The following EHD2 variants were observed in gnomAD, a reference collection of about 807,000 sequenced individuals.
EHD2 encodes the protein EH domain-containing protein 2.
Under a neutral mutation model 41.0 loss-of-function variants are expected in EHD2, and 27 were observed. The observed-to-expected ratio is 0.66, with a 90% CI of 0.49 to 0.91. The LOEUF (loss-of-function observed/expected upper bound fraction) is 0.91. Ranked by LOEUF, EHD2 falls within the 40% of genes least tolerant of loss-of-function variation. The pLI, the probability that EHD2 is intolerant of heterozygous loss-of-function variation, is 0.00. For missense variants in EHD2, 673 were observed against 773.9 expected (o/e 0.87, Z 1.55); for synonymous variants, 342 against 341.0 (o/e 1.00, Z -0.03).
At chr19:47,739,643 T>TTGCC (rs1400630431) in intron 5 of EHD2, among the ~76,000 whole-genome samples, 3 of 150,532 alleles carry the variant, frequency 2.0e-5, no homozygotes, top group African/African-American at 7.3e-5. Context: ...AAATAGGGTT[T>TTGCC]TGCCATGTTG....
chr19:47,741,857 C>T lies in EHD2; in HGVS notation c.*425C>T, dbSNP rs1193539111. The T allele has an allele frequency of 4.3e-6, 2 of 464,610 alleles. No individual in the cohort carries two copies. The highest frequency in any genetic ancestry group is 4.0e-5 in the African/African-American group (2 of 50,474). 28.8% of individuals were successfully genotyped at this position (464,610 alleles called of 1,614,324 possible). On this transcript the variant is annotated 3_prime_UTR_variant, in exon 6 of 6. Transcript: ENST00000263277. This position sits in a 1 kb window ranked among gnomAD's most constrained non-coding sequence, Gnocchi z 4.5. ...GAGGGCACCTACACAGTCACGCAAA[C>T]ACACACTAATTCCTGGCAGGGCCCC...
At chr19:47,740,402 G>A (rs1303775061) in intron 5 of EHD2, among the ~76,000 whole-genome samples, 1 of 151,660 alleles carries the variant, frequency 6.6e-6, no homozygotes, top group Non-Finnish European at 1.5e-5. Flanking sequence ...TGGCACCACT[G>A]CACTCTAGCC....
At chr19:47,737,793 C>G (rs1966941054) in intron 5 of EHD2, among the ~76,000 whole-genome samples, 1 of 151,098 alleles carries the variant, frequency 6.6e-6, no homozygotes, top group Non-Finnish European at 1.5e-5. Flanking sequence ...TCACTGTGTA[C>G]TTGAACTCCT....
At chr19:47,715,618 G>A (rs1973617148) in intron 1 of EHD2, among the ~76,000 whole-genome samples, 3 of 152,094 alleles carry the variant, frequency 2.0e-5, no homozygotes, top group South Asian at 2.1e-4. Context: ...GAAGGGAGAA[G>A]GGAGGAAGAA....
Position 47,726,221 on chromosome 19 carries a change from G to A in EHD2, c.912G>A (p.Val304=). 6.6e-7 allele frequency: 1 copy of A among 1,507,048 alleles called. No individual in the cohort carries two copies. The highest frequency in any genetic ancestry group is 8.9e-7 in the Non-Finnish European group (1 of 1,126,276). 93.4% of individuals were successfully genotyped at this position (1,507,048 alleles called of 1,614,324 possible). The change falls in exon 4 of 6, where the codon GTG becomes GTA. Residue 304 remains valine (V), a synonymous_variant. Transcript: ENST00000263277. ...LNDLVKRARL[V]RVHAYIISYL... is the part of the protein sequence containing the mutation. ...ACCTGGTGAAGAGGGCCCGGCTGGT[G>A]CGAGTGAGTAGTCCTGAGGGCTGGG...
intron 4 of EHD2, among the ~76,000 whole-genome samples, chr19:47,727,568 A>G (rs1292460176): frequency 2.0e-5 from 3 of 151,870 alleles, no homozygotes; most frequent in African/African-American, 7.3e-5. Flanking sequence ...TGCCAACTTT[A>G]CTGACACTAA....
At chr19:47,717,345 G>A (rs1029919362) in intron 2 of EHD2, among the ~76,000 whole-genome samples, 3 of 152,016 alleles carry the variant, frequency 2.0e-5, no homozygotes, top group Non-Finnish European at 2.9e-5. Flanking sequence ...CACTGCGCCC[G>A]GCCCTGGGGG....
At chr19:47,734,863 G>A (rs762868188) in intron 4 of EHD2, among the ~76,000 whole-genome samples, 4 of 151,990 alleles carry the variant, frequency 2.6e-5, no homozygotes, top group Non-Finnish European at 5.9e-5. Context: ...GACCAGTCTG[G>A]CCAACATGGT....
At chr19:47,714,608 T>C (rs1052363695) in intron 1 of EHD2, among the ~76,000 whole-genome samples, 18 of 152,022 alleles carry the variant, frequency 1.2e-4, no homozygotes, top group African/African-American at 4.3e-4. Context: ...CTAACTCAGA[T>C]CTTTAGACCT....
intron 5 of EHD2, among the ~76,000 whole-genome samples, chr19:47,739,905 C>T (rs560216851): frequency 6.6e-6 from 1 of 152,096 alleles, no homozygotes; most frequent in African/African-American, 2.4e-5. Flanking sequence ...GGCAAAGGGC[C>T]GCTGCTCTCA....
In EHD2 at chr19:47,718,533, T is replaced by G; in HGVS notation, c.429T>G (p.Asn143Lys). ...LNRFMCAQLPNQVLESISIID... is the reference protein window; with the variant it reads ...LNRFMCAQLPKQVLESISIID... ...GGTTCATGTGTGCCCAGCTCCCTAA[T>G]CAGGTCCTGGAGAGCATCAGCATCA... Residue 143 changes from asparagine (N) to lysine (K), a missense_variant, in exon 3 of 6, where the codon AAT becomes AAG. Coordinates refer to ENST00000263277, the MANE Select transcript of EHD2 (RefSeq NM_014601.4). The G allele has an allele frequency of 6.3e-7, 1 of 1,586,520 alleles. No homozygotes were observed. Among genetic ancestry groups the G allele is most frequent in the East Asian group, 2.3e-5 (1 of 43,914 alleles).
At chr19:47,728,531 TTCTC>T (rs975099140) in intron 4 of EHD2, among the ~76,000 whole-genome samples, 9 of 151,324 alleles carry the variant, frequency 5.9e-5, no homozygotes, top group Non-Finnish European at 1.2e-4. Context: ...CTGTTTCTCT[TTCTC>T]TCTTTCTTTC....
At chr19:47,729,836 T>C (rs866839418) in intron 4 of EHD2, among the ~76,000 whole-genome samples, 46 of 152,120 alleles carry the variant, frequency 3.0e-4, no homozygotes, top group Admixed American at 1.3e-4. Context: ...TTTCTGTCTC[T>C]ATGTCAGTCT....
intron 4 of EHD2, among the ~76,000 whole-genome samples, chr19:47,734,850 C>T (rs534212071): frequency 4.6e-5 from 7 of 151,446 alleles, no homozygotes; most frequent in South Asian, 4.2e-4. Context: ...GTCAGGGGTT[C>T]GAGACCAGTC....
At position 47,741,842 on chromosome 19, in the gene EHD2, A is replaced by G. The variant is rs1966993748; in HGVS notation, c.*410A>G. 1 of 467,422 alleles carries G rather than the reference A, an allele frequency of 2.1e-6. No homozygotes were observed. The highest frequency in any genetic ancestry group is 4.3e-6 in the Non-Finnish European group (1 of 234,714). The allele number at this position is 467,422 out of a possible 1,614,324, so 29.0% of individuals were successfully genotyped here. A position where few individuals can be genotyped will look rare whatever the true frequency, so the allele number is the denominator to read the frequency against. On this transcript the variant is annotated 3_prime_UTR_variant, in exon 6 of 6. Coordinates refer to ENST00000263277, the MANE Select transcript of EHD2 (RefSeq NM_014601.4). This position sits in a 1 kb window ranked among gnomAD's most constrained non-coding sequence, Gnocchi z 4.5. ...GTGACGTTCCCAGGAGAGGGCACCTACACAGTCACGCAAACACACACTAAT... is the reference window on the plus strand; with the variant it reads ...GTGACGTTCCCAGGAGAGGGCACCTGCACAGTCACGCAAACACACACTAAT...
At chr19:47,738,926 A>G in intron 5 of EHD2, among the ~76,000 whole-genome samples, 1 of 151,596 alleles carries the variant, frequency 6.6e-6, no homozygotes, top group South Asian at 2.1e-4. Context: ...CCACCCCTAC[A>G]CCCCAAAGTG....
chr19:47,736,647 C>T (rs1385788168), intron 5 of EHD2, 114 bp downstream of exon 5: 17 of 1,217,538 alleles, frequency 1.4e-5, no homozygotes, highest in Admixed American at 3.1e-5. Context: ...TTCTGGAAAG[C>T]GCCTCCCTCA....
intron 4 of EHD2, among the ~76,000 whole-genome samples, chr19:47,733,519 A>G (rs941301626): frequency 6.6e-5 from 10 of 151,520 alleles, no homozygotes; most frequent in African/African-American, 2.4e-4. Flanking sequence ...TAAAAATACA[A>G]AAATTATCAT....
chr19:47,725,984 G>A lies in EHD2; in HGVS notation c.675G>A (p.Glu225=), dbSNP rs948649576. ...RVVLNKADMV[E]TQQLMRVYGA... The stretch of plus-strand genomic sequence containing the variant: ...TGCTCAACAAGGCCGACATGGTGGA[G>A]ACGCAGCAGCTGATGCGCGTCTACG... Residue 225 remains glutamate, a synonymous_variant, in exon 4 of 6, where the codon GAG becomes GAA. Coordinates refer to ENST00000263277, the MANE Select transcript of EHD2 (RefSeq NM_014601.4). The A allele has an allele frequency of 1.1e-5, 17 of 1,611,730 alleles. No individual in the cohort carries two copies. The highest frequency in any genetic ancestry group is 1.4e-5 in the Non-Finnish European group (17 of 1,178,422).
Sources: gnomAD v4.1 joint callset for allele counts (sites outside exome capture counted in the v4.1 genomes callset) on GRCh38, gnomAD v4.1.1 for gene constraint, Gnocchi (gnomAD v3.1) non-coding constraint, MANE v1.5 for transcripts, NCBI Gene and HGNC (gene_info 2026-07-23, HGNC 2026-07-21) for gene names.